COBL: variants seen among roughly 807,000 people sequenced by gnomAD.
COBL encodes protein cordon-bleu.
Under a neutral mutation model 98.8 loss-of-function variants are expected in COBL, and 51 were observed. That is an observed-to-expected ratio of 0.52 (90% CI 0.41 to 0.65). The LOEUF (loss-of-function observed/expected upper bound fraction) is 0.65. COBL is among the 30% of genes least tolerant of loss of function. COBL has a pLI of 0.00. For missense variants in COBL, 1,617 were observed against 1,617.5 expected (o/e 1.00, Z 0.01); for synonymous variants, 634 against 651.7 (o/e 0.97, Z 0.41).
At chr7:51,156,155 C>T (rs1446711499) in intron 5 of COBL, 15 of 984,886 alleles carry the variant, frequency 1.5e-5, no homozygotes, top group Non-Finnish European at 1.8e-5. Flanking sequence ...GGATATATCA[C>T]TAAATGTTGA....
At chr7:51,148,837 C>T (rs1785286041) in intron 5 of COBL, among the ~76,000 whole-genome samples, 1 of 150,622 alleles carries the variant, frequency 6.6e-6, no homozygotes, top group African/African-American at 2.4e-5. Context: ...CAGACACCCC[C>T]CGGAGGACCA....
At chr7:51,107,209 C>G (rs544280375) in intron 6 of COBL, among the ~76,000 whole-genome samples, 52 of 151,510 alleles carry the variant, frequency 3.4e-4, no homozygotes, top group Non-Finnish European at 6.9e-4. Context: ...ATTCTCCTGC[C>G]TCAGCCTCCT....
At chr7:51,046,463 C>T (rs1562840046) in intron 7 of COBL, among the ~76,000 whole-genome samples, 1 of 152,152 alleles carries the variant, frequency 6.6e-6, no homozygotes, top group African/African-American at 2.4e-5. Context: ...TTTCCGAGGT[C>T]TGCTCTGTCC....
At chr7:51,159,363 G>C (rs546486710) in intron 5 of COBL, among the ~76,000 whole-genome samples, 6 of 152,154 alleles carry the variant, frequency 3.9e-5, no homozygotes, top group Non-Finnish European at 7.4e-5. Flanking sequence ...GAGAGCAAAG[G>C]GGGCAAAGAG....
chr7:51,242,031 C>A (rs529195976), intron 1 of COBL, among the ~76,000 whole-genome samples: 10 of 152,336 alleles, frequency 6.6e-5, no homozygotes, highest in Middle Eastern at 3.4e-3. Flanking sequence ...ACTGAAAGCA[C>A]CTCTGACTGG....
At chr7:51,305,792 T>C (rs1307641997) in intron 1 of COBL, among the ~76,000 whole-genome samples, 1 of 103,996 alleles carries the variant, frequency 9.6e-6, no homozygotes, top group African/African-American at 4.3e-5. Context: ...CCCAGCCCTT[T>C]GGGAGGCCAA....
intron 6 of COBL, among the ~76,000 whole-genome samples, chr7:51,109,293 G>A (rs1405860812): frequency 6.6e-6 from 1 of 152,184 alleles, no homozygotes; most frequent in Non-Finnish European, 1.5e-5. Context: ...AACCACCTGT[G>A]TGAATGCACC....
chr7:51,252,013 T>C (rs764283062), intron 1 of COBL, among the ~76,000 whole-genome samples: 5 of 152,028 alleles, frequency 3.3e-5, no homozygotes, highest in Non-Finnish European at 5.9e-5. Flanking sequence ...GCTAAGAAAA[T>C]AGGATCCTAC....
rs79854431 is a variant in COBL at position 51,276,965 on chromosome 7, A to C, written c.41+39628T>G. ...GAGGGCACCACAGAAAAGGAGATGC[A>C]TCTGGGAGCAGCGAACACACAGATG... On this transcript the variant is annotated intron_variant, in intron 1 of 12. Coordinates refer to ENST00000265136, the MANE Select transcript of COBL (RefSeq NM_015198.5). Among the ~76,000 whole-genome samples the C allele has an allele frequency of 3.3e-5, 5 of 152,316 alleles. No homozygotes were observed. The East Asian group carries it at 9.7e-4, about 29-fold the overall frequency.
Position 51,128,965 on chromosome 7 carries a change from G to A in COBL, c.957+7193C>T, listed in dbSNP as rs551156163. On this transcript the variant is annotated intron_variant, in intron 6 of 12. Coordinates refer to ENST00000265136, the MANE Select transcript of COBL (RefSeq NM_015198.5). Reference sequence around the variant, plus strand: ...AGATCGTTCTCTAGCTCTGGCACTCGCACTTTTCATGGCCCATTTACAACT... The same window carrying A: ...AGATCGTTCTCTAGCTCTGGCACTCACACTTTTCATGGCCCATTTACAACT... Among the ~76,000 whole-genome samples, 19 of 152,328 alleles carry A rather than the reference G, an allele frequency of 1.2e-4. No individual in the cohort carries two copies. In the South Asian group the frequency reaches 3.1e-3, roughly 25 times the overall value.
At chr7:51,277,513 ATC>A (rs1320919576) in intron 1 of COBL, among the ~76,000 whole-genome samples, 1 of 152,220 alleles carries the variant, frequency 6.6e-6, no homozygotes, top group African/African-American at 2.4e-5. Flanking sequence ...CACAGTGGTA[ATC>A]TCTCTCTGAT....
chr7:51,256,507 G>A (rs1797210333), intron 1 of COBL, among the ~76,000 whole-genome samples: 4 of 152,202 alleles, frequency 2.6e-5, no homozygotes, highest in Admixed American at 1.3e-4. Flanking sequence ...CACCCACGTG[G>A]GCCTGGGCTT....
At chr7:51,310,338 A>G (rs1172034249) in intron 1 of COBL, among the ~76,000 whole-genome samples, 1 of 152,184 alleles carries the variant, frequency 6.6e-6, no homozygotes, top group Non-Finnish European at 1.5e-5. Context: ...CACCTTGGAC[A>G]ACTGGCACCA....
At position 51,027,826 on chromosome 7, in the gene COBL, C is replaced by T. The variant is rs1787721939; in HGVS notation, c.3270G>A (p.Gly1090=). ...CAACAGGTTTGAATTTTTTCTTCGGCCCAAAAATGCTGGGTGGCCAAATAC... is the reference window on the plus strand; with the variant it reads ...CAACAGGTTTGAATTTTTTCTTCGGTCCAAAAATGCTGGGTGGCCAAATAC... The part of the protein sequence containing the change: ...TDSIWPPSIF[G]PKKKFKPVVQ... Residue 1090 remains glycine (G), a synonymous_variant, in exon 10 of 13, where the codon GGG becomes GGA. Transcript: ENST00000265136. The T allele has an allele frequency of 1.9e-6, 3 of 1,614,196 alleles. No homozygotes were observed. Among genetic ancestry groups the T allele is most frequent in the Non-Finnish European group, 2.5e-6 (3 of 1,180,042 alleles).
chr7:51,141,025 A>G (rs1799692464), intron 5 of COBL, among the ~76,000 whole-genome samples: 1 of 152,090 alleles, frequency 6.6e-6, no homozygotes, highest in African/African-American at 2.4e-5. Context: ...CATACAACAA[A>G]AAGGGGCTTG....
intron 5 of COBL, among the ~76,000 whole-genome samples, chr7:51,177,320 G>A (rs915264140): frequency 4.6e-5 from 7 of 152,230 alleles, no homozygotes; most frequent in Admixed American, 3.9e-4. Flanking sequence ...TCTGTATCAA[G>A]ATACATAATT....
At chr7:51,087,433 C>T (rs1452401826) in intron 6 of COBL, among the ~76,000 whole-genome samples, 4 of 152,032 alleles carry the variant, frequency 2.6e-5, no homozygotes, top group African/African-American at 7.2e-5. Flanking sequence ...AATTCCCATT[C>T]CCTCTATTCA....
chr7:51,159,637 T>C (rs1029460544), intron 5 of COBL, among the ~76,000 whole-genome samples: 2 of 152,222 alleles, frequency 1.3e-5, no homozygotes, highest in Non-Finnish European at 2.9e-5. Flanking sequence ...AGGGACGTTT[T>C]CTACCTCAGT....
intron 5 of COBL, among the ~76,000 whole-genome samples, chr7:51,181,537 C>T (rs1177466841): frequency 5.3e-5 from 8 of 152,238 alleles, no homozygotes; most frequent in Non-Finnish European, 1.0e-4. Context: ...GTGTCAGCCA[C>T]ACCTTCTTCC....
Sources: gnomAD v4.1 joint callset for allele counts (sites outside exome capture counted in the v4.1 genomes callset) on GRCh38, gnomAD v4.1.1 for gene constraint, MANE v1.5 for transcripts, NCBI Gene and HGNC (gene_info 2026-07-23, HGNC 2026-07-21) for gene names.